LINGO2: variants seen among roughly 807,000 people sequenced by gnomAD.
The protein encoded by LINGO2 is leucine rich repeat and Ig domain containing 2.
In LINGO2, 14 loss-of-function variants were observed where a neutral mutation model predicts 30.6. That is an observed-to-expected ratio of 0.46 (90% CI 0.30 to 0.72). The LOEUF (loss-of-function observed/expected upper bound fraction) is 0.72. LINGO2 is among the 30% of genes least tolerant of loss of function. The pLI is 0.07. For missense variants in LINGO2, 729 were observed against 751.7 expected (o/e 0.97, Z 0.35); for synonymous variants, 317 against 288.5 (o/e 1.10, Z -1.00).
intron 1 of LINGO2, among the ~76,000 whole-genome samples, chr9:28,558,363 AAG>A (rs1299926268): frequency 6.6e-6 from 1 of 151,792 alleles, no homozygotes; most frequent in African/African-American, 2.4e-5. Flanking sequence ...AGATCTCAAT[AAG>A]AGGGGAGAGT....
At chr9:28,482,302 T>C (rs532950139) in intron 1 of LINGO2, among the ~76,000 whole-genome samples, 2 of 152,250 alleles carry the variant, frequency 1.3e-5, no homozygotes, top group East Asian at 3.9e-4. Flanking sequence ...CCTGACTTTT[T>C]AATGATCGCC....
chr9:28,560,294 G>A (rs763739055), intron 1 of LINGO2, among the ~76,000 whole-genome samples: 4 of 152,082 alleles, frequency 2.6e-5, no homozygotes, highest in Non-Finnish European at 5.9e-5. Context: ...TTTGGGTAAA[G>A]TAAGTTGCTC....
At chr9:28,340,075 A>G (rs1412290633) in intron 3 of LINGO2, among the ~76,000 whole-genome samples, 1 of 152,124 alleles carries the variant, frequency 6.6e-6, no homozygotes, top group Non-Finnish European at 1.5e-5. Context: ...TATATATACT[A>G]TTGTTTTGCC....
rs547309871 is a variant in LINGO2, at chr9:28,610,309, G to A, written c.-365+59891C>T. Among the ~76,000 whole-genome samples, 56 of 149,998 alleles carry A rather than the reference G, an allele frequency of 3.7e-4. No homozygotes were observed. In the South Asian group the frequency reaches 0.012, roughly 31 times the overall value. On this transcript the variant is annotated intron_variant, in intron 1 of 5. Coordinates refer to ENST00000379992, the Ensembl canonical transcript of LINGO2. ...TATCAGATTAGTAATATCAATGCAA[G>A]AGCAAGTTTTTCTGTGTTTTGAAAA... is the stretch of plus-strand genomic sequence containing the variant.
the LINGO2 span, among the ~76,000 whole-genome samples, chr9:29,035,193 G>A: frequency 2.6e-4 from 39 of 152,008 alleles, no homozygotes; most frequent in African/African-American, 8.9e-4. Flanking sequence ...GTTAGAACTG[G>A]AAAGGTCCTC....
intron 4 of LINGO2, among the ~76,000 whole-genome samples, chr9:28,284,487 G>C (rs1188135287): frequency 6.6e-6 from 1 of 152,106 alleles, no homozygotes; most frequent in Non-Finnish European, 1.5e-5. Flanking sequence ...GATGAATGCT[G>C]TCAGTTATTT....
At chr9:28,987,749 T>C in the LINGO2 span, among the ~76,000 whole-genome samples, 1 of 152,172 alleles carries the variant, frequency 6.6e-6, no homozygotes, top group African/African-American at 2.4e-5. Flanking sequence ...TTCATTTCCA[T>C]TCATCTAAAG....
At chr9:28,154,456 G>A (rs907517786) in intron 4 of LINGO2, among the ~76,000 whole-genome samples, 1 of 152,050 alleles carries the variant, frequency 6.6e-6, no homozygotes, top group African/African-American at 2.4e-5. Flanking sequence ...GGTCTGCTTG[G>A]ATACATGCCT....
At chr9:29,079,405 T>C in the LINGO2 span, among the ~76,000 whole-genome samples, 1 of 151,984 alleles carries the variant, frequency 6.6e-6, no homozygotes, top group Admixed American at 6.6e-5. Context: ...GGCATATAGC[T>C]TGTCTATAAA....
At chr9:29,101,827 T>C in the LINGO2 span, among the ~76,000 whole-genome samples, 14 of 152,258 alleles carry the variant, frequency 9.2e-5, no homozygotes, top group South Asian at 2.7e-3. Flanking sequence ...GACACCTAGG[T>C]TGCTTCCAAA....
intron 4 of LINGO2, among the ~76,000 whole-genome samples, chr9:28,109,196 C>T (rs1826693161): frequency 6.6e-6 from 1 of 152,152 alleles, no homozygotes; most frequent in African/African-American, 2.4e-5. Flanking sequence ...AATTCAACAT[C>T]CCTTCATGTT....
At chr9:28,552,197 G>A (rs1822322957) in intron 1 of LINGO2, among the ~76,000 whole-genome samples, 1 of 151,908 alleles carries the variant, frequency 6.6e-6, no homozygotes, top group African/African-American at 2.4e-5. Flanking sequence ...TACCCTGGGT[G>A]TTTCTCCAGA....
chr9:28,675,587 A>G, the LINGO2 span, among the ~76,000 whole-genome samples: 1 of 151,954 alleles, frequency 6.6e-6, no homozygotes, highest in Non-Finnish European at 1.5e-5. Context: ...TTATAAAAAT[A>G]TAACATTTTG....
the LINGO2 span, among the ~76,000 whole-genome samples, chr9:28,729,438 A>T: frequency 6.6e-6 from 1 of 152,140 alleles, no homozygotes; most frequent in Non-Finnish European, 1.5e-5. Flanking sequence ...ATCTCAGGGG[A>T]ACTAAAACTT....
chr9:28,775,398 C>T, the LINGO2 span, among the ~76,000 whole-genome samples: 2 of 152,184 alleles, frequency 1.3e-5, no homozygotes, highest in East Asian at 3.9e-4. Context: ...ATAGTGGAAA[C>T]TATCTGTGCA....
At chr9:28,753,902 T>C in the LINGO2 span, among the ~76,000 whole-genome samples, 2 of 151,950 alleles carry the variant, frequency 1.3e-5, no homozygotes, top group Non-Finnish European at 2.9e-5. Context: ...AATGGAAAAT[T>C]AGTATTACTT....
chr9:29,077,519 G>A, the LINGO2 span, among the ~76,000 whole-genome samples: 2 of 151,994 alleles, frequency 1.3e-5, no homozygotes, highest in East Asian at 1.9e-4. Flanking sequence ...AACATTCAAC[G>A]AATATTTACT....
At chr9:28,634,477 CTTTTTTTCTTTTTT>C (rs927217506) in intron 1 of LINGO2, among the ~76,000 whole-genome samples, 36 of 135,860 alleles carry the variant, frequency 2.6e-4, no homozygotes, top group Non-Finnish European at 3.7e-4. Flanking sequence ...TCTTTCTTTT[CTTTTTTTCTTTTTT>C]TTTTTTTTTT....
At chr9:27,986,727 C>T (rs1821142931) in intron 5 of LINGO2, among the ~76,000 whole-genome samples, 1 of 151,796 alleles carries the variant, frequency 6.6e-6, no homozygotes, top group Non-Finnish European at 1.5e-5. Flanking sequence ...GGCTGTAAAA[C>T]TAGTTTCCTA....
Sources: allele counts gnomAD v4.1 joint callset (sites outside exome capture counted in the v4.1 genomes callset), GRCh38; gene constraint gnomAD v4.1.1; transcripts MANE v1.5; gene names NCBI Gene and HGNC (gene_info 2026-07-23, HGNC 2026-07-21).